TMEM59: variants seen among roughly 807,000 people sequenced by gnomAD.
TMEM59 encodes the protein dendritic cell factor 1.
In TMEM59, 44 loss-of-function variants were observed where a neutral mutation model predicts 42.2. The ratio of observed to expected loss-of-function variants is 1.04; its 90% CI spans 0.82 to 1.34. The LOEUF is 1.34. TMEM59 is among the 40% of genes most tolerant of loss of function. The pLI is 0.00. For synonymous variants in TMEM59, 148 were observed against 145.8 expected (o/e 1.02, Z -0.11); for missense variants, 359 against 382.8 (o/e 0.94, Z 0.52).
intron 1 of TMEM59, among the ~76,000 whole-genome samples, chr1:54,049,496 A>T (rs1318966397): frequency 6.6e-6 from 1 of 152,214 alleles, no homozygotes; most frequent in Non-Finnish European, 1.5e-5. Context: ...ATCAAGAATC[A>T]TATCTTTATT....
rs1358379974 is a variant in TMEM59, at chr1:54,028,322, A to G, written c.*3828T>C. On this transcript the variant is annotated 3_prime_UTR_variant, in exon 8 of 8. Transcript: ENST00000234831. ...AATGAAATAGTATTCTTGGGTATTA[A>G]AAAAAGAACTCTGAGGCTAAGATTA... 1 of 152,160 alleles carries G rather than the reference A, an allele frequency of 6.6e-6. No homozygotes were observed. The highest frequency in any genetic ancestry group is 2.4e-5 in the African/African-American group (1 of 41,428). 9.4% of individuals were successfully genotyped at this position (152,160 alleles called of 1,614,324 possible). A position where few individuals can be genotyped will look rare whatever the true frequency, so the allele number is the denominator to read the frequency against.
At chr1:54,039,032 T>C (rs1379091438) in intron 6 of TMEM59, among the ~76,000 whole-genome samples, 1 of 152,146 alleles carries the variant, frequency 6.6e-6, no homozygotes, top group African/African-American at 2.4e-5. Context: ...TTTGTAGAGA[T>C]GGATGGGGTC....
At chr1:54,052,373 A>C (rs1170581375) in intron 1 of TMEM59, among the ~76,000 whole-genome samples, 5 of 152,190 alleles carry the variant, frequency 3.3e-5, no homozygotes, top group Non-Finnish European at 7.3e-5. Context: ...CTGAGTGGTC[A>C]GTTTCTGGTA....
chr1:54,038,190 C>G (rs929058408), intron 6 of TMEM59, among the ~76,000 whole-genome samples: 1 of 152,180 alleles, frequency 6.6e-6, no homozygotes, highest in Non-Finnish European at 1.5e-5. Flanking sequence ...ATTTCTGACT[C>G]TCCTTATCCT....
upstream of TMEM59, chr1:54,053,296 G>A (rs1219796022): frequency 1.0e-5 from 14 of 1,379,732 alleles, no homozygotes; most frequent in Non-Finnish European, 1.4e-5. Flanking sequence ...CGTTGCTTCC[G>A]CCTCCGCTGT....
intron 6 of TMEM59, among the ~76,000 whole-genome samples, chr1:54,037,979 A>C (rs1032147855): frequency 1.3e-5 from 2 of 152,106 alleles, no homozygotes; most frequent in African/African-American, 4.8e-5. Context: ...CCACAACAAA[A>C]CAATGACTAG....
intron 7 of TMEM59, among the ~76,000 whole-genome samples, chr1:54,035,223 T>C (rs1328008354): frequency 6.6e-6 from 1 of 152,218 alleles, no homozygotes; most frequent in East Asian, 1.9e-4. Flanking sequence ...AATCATATAT[T>C]TAAACATCTT....
At chr1:54,046,926 C>T (rs979756328) in intron 2 of TMEM59, among the ~76,000 whole-genome samples, 2 of 152,104 alleles carry the variant, frequency 1.3e-5, no homozygotes, top group African/African-American at 2.4e-5. Flanking sequence ...AGTCGATGAA[C>T]TTATGATTGA....
chr1:54,040,145 T>C (rs1417438747), intron 6 of TMEM59, among the ~76,000 whole-genome samples: 2 of 152,094 alleles, frequency 1.3e-5, no homozygotes, highest in Non-Finnish European at 2.9e-5. Context: ...CATTCAAACA[T>C]ACTTATTTTA....
At position 54,053,149 on chromosome 1, in the gene TMEM59, G is replaced by C. The variant is rs763335467; in HGVS notation, c.40C>G (p.Leu14Val). 8.7e-6 allele frequency: 14 copies of C among 1,614,122 alleles called. No individual in the cohort carries two copies. In the African/African-American group the frequency reaches 1.6e-4, roughly 18 times the overall value. ...AGCAGCAGCAGCGGCGGGAGCCCCAGTTGGGTCCTCACCCAGAGGCTCCCC... is the reference window on the plus strand; with the variant it reads ...AGCAGCAGCAGCGGCGGGAGCCCCACTTGGGTCCTCACCCAGAGGCTCCCC... ...PKGSLWVRTQ[L>V]GLPPLLLLTM... The change falls in exon 1 of 8, where the codon CTG becomes GTG. Residue 14 changes from leucine (L) to valine (V), a missense_variant. By Grantham distance (32) the Leu-to-Val change is conservative (BLOSUM62 1). Transcript: ENST00000234831.
At chr1:54,052,894 T>A (rs111706051) in intron 1 of TMEM59, 106 bp downstream of exon 1, 5 of 1,288,296 alleles carry the variant, frequency 3.9e-6, no homozygotes, top group Non-Finnish European at 5.4e-6. Context: ...GAGACAGCGA[T>A]TGAAGGGCCG....
chr1:54,038,789 A>G (rs761955460), intron 6 of TMEM59, among the ~76,000 whole-genome samples: 1 of 152,210 alleles, frequency 6.6e-6, no homozygotes, highest in Non-Finnish European at 1.5e-5. Flanking sequence ...ATCACAGGGT[A>G]TTGTTCTAAA....
intron 1 of TMEM59, among the ~76,000 whole-genome samples, chr1:54,050,271 G>A (rs1657484344): frequency 1.3e-5 from 2 of 151,948 alleles, no homozygotes; most frequent in South Asian, 4.2e-4. Context: ...GATCACAAGC[G>A]TGCGCCATGT....
At chr1:54,042,385 C>T (rs1200040546) in intron 4 of TMEM59, among the ~76,000 whole-genome samples, 1 of 152,138 alleles carries the variant, frequency 6.6e-6, no homozygotes, top group Non-Finnish European at 1.5e-5. Context: ...AATCTCCTAT[C>T]TAATGAGGAA....
chr1:54,050,079 T>G (rs1657475430), intron 1 of TMEM59, among the ~76,000 whole-genome samples: 1 of 152,214 alleles, frequency 6.6e-6, no homozygotes, highest in Non-Finnish European at 1.5e-5. Context: ...GGTATTCTAC[T>G]TTCTTGCAAC....
In TMEM59 at chr1:54,031,332, G is replaced by A. The variant is rs910006587; in HGVS notation, c.*818C>T. 2.0e-5 allele frequency: 3 copies of A among 152,104 alleles called. No homozygotes were observed. Among genetic ancestry groups the A allele is most frequent in the Non-Finnish European group, 2.9e-5 (2 of 68,004 alleles). The allele number at this position is 152,104 out of a possible 1,614,324, so 9.4% of individuals were successfully genotyped here. A position where few individuals can be genotyped will look rare whatever the true frequency, so the allele number is the denominator to read the frequency against. On this transcript the variant is annotated 3_prime_UTR_variant, in exon 8 of 8. Coordinates refer to ENST00000234831, the MANE Select transcript of TMEM59 (RefSeq NM_004872.5). ...GTATTATTGCAGGTAAAAATAAAACGAGTTTTTGCCAAGTAAAATTTATAC... is the reference window on the plus strand; with the variant it reads ...GTATTATTGCAGGTAAAAATAAAACAAGTTTTTGCCAAGTAAAATTTATAC...
At chr1:54,039,397 T>C (rs1215475103) in intron 6 of TMEM59, among the ~76,000 whole-genome samples, 1 of 152,120 alleles carries the variant, frequency 6.6e-6, no homozygotes, top group Non-Finnish European at 1.5e-5. Flanking sequence ...ATTATTTAGG[T>C]TTCACAGAAC....
chr1:54,053,169 C>T lies in TMEM59; in HGVS notation c.20G>A (p.Ser7Asn), dbSNP rs141445880. The change falls in exon 1 of 8, where the codon AGC becomes AAC. Residue 7 changes from serine to asparagine, a missense_variant. By Grantham distance (46) the Ser-to-Asn change is conservative. Coordinates refer to ENST00000234831, the MANE Select transcript of TMEM59 (RefSeq NM_004872.5). ...CCCCAGTTGGGTCCTCACCCAGAGG[C>T]TCCCCTTCGGCGCCGCCATCTTGTT... is the stretch of plus-strand genomic sequence containing the variant. MAAPKG[S>N]LWVRTQLGLP... The T allele has an allele frequency of 1.2e-6, 2 of 1,614,020 alleles. No individual in the cohort carries two copies. The highest frequency in any genetic ancestry group is 1.1e-5 in the South Asian group (1 of 91,072).
intron 2 of TMEM59, among the ~76,000 whole-genome samples, chr1:54,046,425 C>T (rs1395135075): frequency 1.3e-5 from 2 of 152,142 alleles, no homozygotes; most frequent in Non-Finnish European, 2.9e-5. Context: ...CAGATATACT[C>T]TCATTTAGTT....
Sources: allele counts gnomAD v4.1 joint callset (sites outside exome capture counted in the v4.1 genomes callset), GRCh38; gene constraint gnomAD v4.1.1; transcripts MANE v1.5; gene names NCBI Gene and HGNC (gene_info 2026-07-23, HGNC 2026-07-21).